The following NELL2 variants were observed in gnomAD, a reference collection of about 807,000 sequenced individuals.
NELL2 encodes neural EGFL like 2.
NELL2 carries 41 observed loss-of-function variants against 109.6 expected under a neutral mutation model. That is an observed-to-expected ratio of 0.37 (90% CI 0.29 to 0.49). The LOEUF (loss-of-function observed/expected upper bound fraction) is 0.49, where lower values mean the gene tolerates loss of function less well. NELL2 is among the 20% of genes least tolerant of loss of function. NELL2 has a pLI of 0.98. For missense variants in NELL2, 900 were observed against 1,008.3 expected (o/e 0.89, Z 1.45); for synonymous variants, 355 against 344.7 (o/e 1.03, Z -0.33).
At chr12:44,667,437 T>C (rs1947960540) in intron 12 of NELL2, among the ~76,000 whole-genome samples, 1 of 152,142 alleles carries the variant, frequency 6.6e-6, no homozygotes, top group African/African-American at 2.4e-5. Flanking sequence ...GGGCAACACG[T>C]AAATTAATGA....
chr12:44,642,677 T>C (rs546731526), intron 13 of NELL2, among the ~76,000 whole-genome samples: 67 of 150,394 alleles, frequency 4.5e-4, no homozygotes, highest in African/African-American at 1.6e-3. Context: ...AGGTCAGGAG[T>C]TCAAGACCAG....
At chr12:44,885,301 A>G (rs1945458141) in intron 1 of NELL2, among the ~76,000 whole-genome samples, 1 of 152,090 alleles carries the variant, frequency 6.6e-6, no homozygotes, top group Admixed American at 6.5e-5. Context: ...TAAAAATTAA[A>G]ATTAAAAAGA....
intron 19 of NELL2, among the ~76,000 whole-genome samples, chr12:44,519,427 T>C (rs1001936562): frequency 5.9e-5 from 9 of 152,224 alleles, no homozygotes; most frequent in Admixed American, 2.0e-4. Flanking sequence ...TATTTTCCAA[T>C]GAGAATAAGG....
chr12:44,843,599 CA>C (rs1380054501), intron 2 of NELL2, among the ~76,000 whole-genome samples: 5 of 152,162 alleles, frequency 3.3e-5, no homozygotes, highest in Non-Finnish European at 7.4e-5. Flanking sequence ...GCTGCTGTAA[CA>C]AAATATCTGA....
At chr12:44,567,348 T>C (rs969945787) in intron 15 of NELL2, among the ~76,000 whole-genome samples, 6 of 152,198 alleles carry the variant, frequency 3.9e-5, no homozygotes, top group South Asian at 2.1e-4. Context: ...GTAAAAACTA[T>C]GATCAAATAG....
chr12:44,565,484 C>A (rs1943621432), intron 15 of NELL2, among the ~76,000 whole-genome samples: 1 of 151,980 alleles, frequency 6.6e-6, no homozygotes, highest in Admixed American at 6.6e-5. Context: ...ACAGGATTAT[C>A]AAAATAAAAA....
chr12:44,674,790 C>T (rs765433963), intron 12 of NELL2, among the ~76,000 whole-genome samples: 11 of 151,992 alleles, frequency 7.2e-5, no homozygotes, highest in East Asian at 3.9e-4. Context: ...AATAAAAGTC[C>T]GAGTCTTAAG....
At chr12:44,522,809 A>G (rs1941598126) in intron 17 of NELL2, 1 of 156,430 alleles carries the variant, frequency 6.4e-6, no homozygotes, top group Non-Finnish European at 1.4e-5. Flanking sequence ...TTATTTATGC[A>G]GTCATTCAAA....
intron 3 of NELL2, among the ~76,000 whole-genome samples, chr12:44,793,273 CT>C (rs1301214717): frequency 2.0e-5 from 3 of 152,016 alleles, no homozygotes; most frequent in Non-Finnish European, 4.4e-5. Flanking sequence ...AACTTGTTTG[CT>C]TTTTTTATCC....
intron 3 of NELL2, among the ~76,000 whole-genome samples, chr12:44,787,617 C>G (rs891662075): frequency 6.6e-6 from 1 of 152,078 alleles, no homozygotes; most frequent in Non-Finnish European, 1.5e-5. Context: ...TCACATATCT[C>G]ATATGGACAG....
chr12:44,900,784 A>G (rs1317553963), intron 1 of NELL2, among the ~76,000 whole-genome samples: 1 of 152,062 alleles, frequency 6.6e-6, no homozygotes, highest in African/African-American at 2.4e-5. Flanking sequence ...AGGTCAAGAG[A>G]TCGAGACCTT....
At chr12:44,884,828 C>T (rs1446797565) in intron 1 of NELL2, among the ~76,000 whole-genome samples, 1 of 151,910 alleles carries the variant, frequency 6.6e-6, no homozygotes, top group Non-Finnish European at 1.5e-5. Context: ...AATGATTTGA[C>T]AAAATTCAAC....
chr12:44,877,322 C>T (rs139523127), upstream of NELL2, among the ~76,000 whole-genome samples: 2 of 152,302 alleles, frequency 1.3e-5, no homozygotes, highest in Non-Finnish European at 2.9e-5. Flanking sequence ...ATCCATTTTT[C>T]AGCAGGCACA....
chr12:44,771,819 G>A (rs1941563180), intron 9 of NELL2, among the ~76,000 whole-genome samples: 1 of 152,178 alleles, frequency 6.6e-6, no homozygotes, highest in Non-Finnish European at 1.5e-5. Context: ...AAAGTATAAA[G>A]GAAGCTGCAA....
chr12:44,514,559 TGTGCC>T (rs1941164631), intron 19 of NELL2, among the ~76,000 whole-genome samples: 1 of 142,734 alleles, frequency 7.0e-6, no homozygotes, highest in African/African-American at 3.0e-5. Flanking sequence ...AATCTCTTAC[TGTGCC>T]AACTTATAAA....
At chr12:44,819,291 A>C (rs1943464449) in intron 2 of NELL2, among the ~76,000 whole-genome samples, 1 of 152,148 alleles carries the variant, frequency 6.6e-6, no homozygotes, top group Non-Finnish European at 1.5e-5. Context: ...TCAAGAAAGA[A>C]AAAAACTGGA....
chr12:44,799,568 T>G (rs970639048), intron 3 of NELL2, among the ~76,000 whole-genome samples: 1 of 152,202 alleles, frequency 6.6e-6, no homozygotes, highest in Non-Finnish European at 1.5e-5. Context: ...TACTACCACT[T>G]TATAATATAT....
At chr12:44,912,504 A>C (rs1430147720) in intron 1 of NELL2, among the ~76,000 whole-genome samples, 2 of 152,146 alleles carry the variant, frequency 1.3e-5, no homozygotes, top group Non-Finnish European at 2.9e-5. Context: ...TTCACAATAG[A>C]ATCTTTTTTT....
chr12:44,756,410 A>G (rs1384603525), intron 9 of NELL2, among the ~76,000 whole-genome samples: 2 of 152,046 alleles, frequency 1.3e-5, no homozygotes, highest in Non-Finnish European at 2.9e-5. Context: ...ATCTTAAAAA[A>G]TTAAAAAAAT....
Sources: gnomAD v4.1 joint callset for allele counts (sites outside exome capture counted in the v4.1 genomes callset) on GRCh38, gnomAD v4.1.1 for gene constraint, MANE v1.5 for transcripts, NCBI Gene and HGNC (gene_info 2026-07-23, HGNC 2026-07-21) for gene names.